Variants in DPYD observed in about 807,000 individuals in gnomAD.
DPYD encodes dihydropyrimidine dehydrogenase.
In DPYD, 109 loss-of-function variants were observed where a neutral mutation model predicts 116.2. The observed-to-expected ratio is 0.94, with a 90% CI of 0.80 to 1.10. DPYD has a LOEUF of 1.10. Among genes scored for constraint, DPYD ranks in the 50% least tolerant of loss-of-function variants. DPYD has a pLI of 0.00. For missense variants in DPYD, 1,302 were observed against 1,254.5 expected (o/e 1.04, Z -0.57); for synonymous variants, 440 against 432.0 (o/e 1.02, Z -0.23).
intron 13 of DPYD, among the ~76,000 whole-genome samples, chr1:97,499,983 C>T (rs1679485107): frequency 6.6e-6 from 1 of 151,882 alleles, no homozygotes; most frequent in Non-Finnish European, 1.5e-5. Context: ...TATGAAGAGG[C>T]AATGTGTATG....
At chr1:97,243,401 G>T (rs972674916) in intron 18 of DPYD, among the ~76,000 whole-genome samples, 1 of 151,844 alleles carries the variant, frequency 6.6e-6, no homozygotes, top group Non-Finnish European at 1.5e-5. Context: ...CTATGAAATA[G>T]ATATTTCTGT....
At chr1:97,383,641 C>T (rs906117204) in intron 14 of DPYD, among the ~76,000 whole-genome samples, 12 of 152,148 alleles carry the variant, frequency 7.9e-5, no homozygotes, top group South Asian at 4.2e-4. Flanking sequence ...TAGATGAAGA[C>T]GCCAAGGCAA....
chr1:97,540,400 A>C (rs1274538637), intron 12 of DPYD, among the ~76,000 whole-genome samples: 1 of 151,840 alleles, frequency 6.6e-6, no homozygotes, highest in African/African-American at 2.4e-5. Flanking sequence ...AACAAAAACC[A>C]AACTTTTACT....
rs896904661 is a variant in DPYD at position 97,437,291 on chromosome 1, T to C, written c.1905+12768A>G. Among the ~76,000 whole-genome samples the C allele has an allele frequency of 2.6e-5, 4 of 151,620 alleles. No homozygotes were observed. In the East Asian group the frequency reaches 7.7e-4, roughly 29 times the overall value. On this transcript the variant is annotated intron_variant, in intron 14 of 22. Transcript: ENST00000370192. ...GATGACATAATAATATATGTACTTT[T>C]GTGAGGTGTTTTTTTTTTTGAATCT...
At position 97,421,265 on chromosome 1, in the gene DPYD, C is replaced by G. The variant is rs144859709; in HGVS notation, c.1905+28794G>C. 3.3e-5 allele frequency among the ~76,000 whole-genome samples: 5 copies of G among 152,264 alleles called. No homozygotes were observed. In the East Asian group the frequency reaches 5.8e-4, roughly 18 times the overall value. On this transcript the variant is annotated intron_variant, in intron 14 of 22. Coordinates refer to ENST00000370192, the MANE Select transcript of DPYD (RefSeq NM_000110.4). ...AGCTCTTGGCAGTATGTCTGGCACA[C>G]AAGTGGTCAAGAAATGTTAAATCTT...
chr1:97,553,434 T>G (rs1462162204), intron 11 of DPYD, among the ~76,000 whole-genome samples: 1 of 152,024 alleles, frequency 6.6e-6, no homozygotes, highest in African/African-American at 2.4e-5. Flanking sequence ...TCATTGTAAC[T>G]GTTCTTCTAT....
At chr1:97,768,073 C>T (rs1430834895) in intron 3 of DPYD, among the ~76,000 whole-genome samples, 3 of 151,956 alleles carry the variant, frequency 2.0e-5, no homozygotes, top group Admixed American at 1.3e-4. Flanking sequence ...AGGACATAAC[C>T]CAGAGAGACA....
intron 13 of DPYD, among the ~76,000 whole-genome samples, chr1:97,473,962 T>C (rs1039792826): frequency 1.4e-5 from 2 of 146,958 alleles, no homozygotes; most frequent in Non-Finnish European, 3.0e-5. Flanking sequence ...CAGCGAGCCA[T>C]GATCATGCCA....
At chr1:97,278,848 T>C (rs1306124764) in intron 18 of DPYD, among the ~76,000 whole-genome samples, 1 of 152,196 alleles carries the variant, frequency 6.6e-6, no homozygotes, top group Non-Finnish European at 1.5e-5. Flanking sequence ...TGTGTAGATA[T>C]ATATGCACAC....
intron 14 of DPYD, among the ~76,000 whole-genome samples, chr1:97,414,984 A>G (rs1474974864): frequency 6.6e-6 from 1 of 152,196 alleles, no homozygotes; most frequent in African/African-American, 2.4e-5. Context: ...CTTTTAGCTA[A>G]TATTTTCTTT....
chr1:97,586,259 G>A (rs1364515541), intron 10 of DPYD: 1 of 151,298 alleles, frequency 6.6e-6, no homozygotes, highest in Non-Finnish European at 1.5e-5. Context: ...AAAGGAACAG[G>A]ACAAACATAA....
intron 1 of DPYD, among the ~76,000 whole-genome samples, chr1:97,901,999 T>C (rs925896967): frequency 6.6e-6 from 1 of 151,796 alleles, no homozygotes; most frequent in African/African-American, 2.4e-5. Context: ...CCAATTGAAA[T>C]CCACATAGTC....
chr1:97,537,805 G>A (rs1650128135), intron 12 of DPYD, among the ~76,000 whole-genome samples: 2 of 152,156 alleles, frequency 1.3e-5, no homozygotes, highest in Admixed American at 6.5e-5. Flanking sequence ...AATATACGTT[G>A]AGGGCATTGA....
rs1392368213 is a variant in DPYD, at chr1:97,740,475, G to C, written c.238C>G (p.Leu80Val). 1 of 1,612,114 alleles carries C rather than the reference G, an allele frequency of 6.2e-7. No homozygotes were observed. Among genetic ancestry groups the C allele is most frequent in the Non-Finnish European group, 8.5e-7 (1 of 1,178,890 alleles). The change falls in exon 4 of 23, where the codon CTG becomes GTG. Residue 80 changes from leucine (L) to valine (V), a missense_variant. By Grantham distance (32) the Leu-to-Val change is conservative. Coordinates refer to ENST00000370192, the MANE Select transcript of DPYD (RefSeq NM_000110.4). ...TGACACGGGGCATCTGCACATTTCA[G>C]GCATCTAGGAAATAAAATAACTATG... Reference protein sequence around the residue: ...RGALREAMRCLKCADAPCQKS... With the variant: ...RGALREAMRCVKCADAPCQKS...
chr1:97,789,006 G>C (rs930909783), intron 3 of DPYD, among the ~76,000 whole-genome samples: 3 of 152,014 alleles, frequency 2.0e-5, no homozygotes, highest in African/African-American at 7.2e-5. Flanking sequence ...GTTTCACCAC[G>C]TTACCCAGGC....
chr1:97,370,636 T>C (rs1671269147), intron 16 of DPYD, among the ~76,000 whole-genome samples: 1 of 152,190 alleles, frequency 6.6e-6, no homozygotes, highest in Non-Finnish European at 1.5e-5. Context: ...TTTGTTTTTG[T>C]TTTAACAATG....
At chr1:97,583,531 C>T (rs1571002543) in intron 10 of DPYD, among the ~76,000 whole-genome samples, 2 of 151,954 alleles carry the variant, frequency 1.3e-5, no homozygotes, top group African/African-American at 2.4e-5. Context: ...CTTAAAATGC[C>T]TCCATGTACA....
intron 14 of DPYD, among the ~76,000 whole-genome samples, chr1:97,384,335 A>G (rs1672181287): frequency 1.3e-5 from 2 of 151,290 alleles, no homozygotes; most frequent in Admixed American, 6.6e-5. Flanking sequence ...AGAGAGTTCT[A>G]AAAACCAGGG....
chr1:97,336,902 CA>C (rs1307204008), intron 16 of DPYD, among the ~76,000 whole-genome samples: 4 of 151,930 alleles, frequency 2.6e-5, no homozygotes, highest in African/African-American at 9.7e-5. Flanking sequence ...TGGAAAAATA[CA>C]ATGTTAAAGA....
Sources: gnomAD v4.1 joint callset for allele counts (sites outside exome capture counted in the v4.1 genomes callset) on GRCh38, gnomAD v4.1.1 for gene constraint, MANE v1.5 for transcripts, NCBI Gene and HGNC (gene_info 2026-07-23, HGNC 2026-07-21) for gene names.